SPATS2L: variants seen among roughly 807,000 people sequenced by gnomAD.
SPATS2L encodes the protein SPATS2-like protein.
SPATS2L carries 30 observed loss-of-function variants against 59.6 expected under a neutral mutation model. That is an observed-to-expected ratio of 0.50 (90% CI 0.38 to 0.68). SPATS2L has a LOEUF of 0.68. Among genes scored for constraint, SPATS2L ranks in the 30% least tolerant of loss-of-function variants. SPATS2L has a pLI of 0.00. For missense variants in SPATS2L, 615 were observed against 700.0 expected (o/e 0.88, Z 1.37); for synonymous variants, 252 against 263.5 (o/e 0.96, Z 0.42).
chr2:200,467,241 A>G, intron 9 of SPATS2L, 49 bp from the exon 10 acceptor site: 1 of 1,230,242 alleles, frequency 8.1e-7, no homozygotes, highest in Non-Finnish European at 1.2e-6. Context: ...AGGTTATTTA[A>G]TATGTTTCAA....
At chr2:200,412,869 T>C (rs1414780232) in intron 4 of SPATS2L, among the ~76,000 whole-genome samples, 1 of 151,952 alleles carries the variant, frequency 6.6e-6, no homozygotes. Context: ...CTGGGAAACA[T>C]GGTGAAACCC....
At chr2:200,328,889 A>G (rs184548620) in intron 1 of SPATS2L, among the ~76,000 whole-genome samples, 2 of 152,348 alleles carry the variant, frequency 1.3e-5, no homozygotes, top group Admixed American at 1.3e-4. Context: ...TAACAAGAAC[A>G]ATAGCTAACA....
At chr2:200,308,644 GAC>G (rs1475293680) in intron 1 of SPATS2L, among the ~76,000 whole-genome samples, 6 of 151,578 alleles carry the variant, frequency 4.0e-5, no homozygotes, top group Admixed American at 2.6e-4. Context: ...CACACACACA[GAC>G]ACACAAACTA....
intron 3 of SPATS2L, among the ~76,000 whole-genome samples, chr2:200,395,933 C>T (rs139440748): frequency 0.015 from 2,162 of 144,642 alleles, 54 homozygotes; most frequent in African/African-American, 0.053. Context: ...ATCTCTTGAA[C>T]CCAGGGAGCA....
intron 2 of SPATS2L, among the ~76,000 whole-genome samples, chr2:200,364,114 C>T (rs1168429442): frequency 6.6e-6 from 1 of 152,084 alleles, no homozygotes; most frequent in African/African-American, 2.4e-5. Context: ...GAGACATAAG[C>T]TAAAGAAGGT....
At chr2:200,460,439 A>G (rs1307101534) in intron 9 of SPATS2L, among the ~76,000 whole-genome samples, 7 of 152,230 alleles carry the variant, frequency 4.6e-5, no homozygotes, top group Admixed American at 3.9e-4. Flanking sequence ...GCTTTTAAGC[A>G]ACTCTTATAA....
intron 8 of SPATS2L, among the ~76,000 whole-genome samples, chr2:200,445,174 G>T (rs899436580): frequency 6.6e-6 from 1 of 152,066 alleles, no homozygotes; most frequent in Non-Finnish European, 1.5e-5. Context: ...TCAGCTAGGT[G>T]TGATGGTTCG....
At chr2:200,338,021 A>G (rs749445951) in intron 2 of SPATS2L, among the ~76,000 whole-genome samples, 1 of 152,112 alleles carries the variant, frequency 6.6e-6, no homozygotes, top group Non-Finnish European at 1.5e-5. Context: ...TCTGAAACAA[A>G]TTAACTTTTT....
chr2:200,320,692 C>A (rs920192130), intron 1 of SPATS2L, among the ~76,000 whole-genome samples: 1 of 152,118 alleles, frequency 6.6e-6, no homozygotes, highest in Non-Finnish European at 1.5e-5. Flanking sequence ...GCTGAAAATT[C>A]TGTATTATTT....
chr2:200,389,956 A>G (rs533317905), intron 3 of SPATS2L: 6 of 152,348 alleles, frequency 3.9e-5, no homozygotes, highest in Non-Finnish European at 8.8e-5. Context: ...ACCATAGACC[A>G]TGAAGATAAA....
intron 2 of SPATS2L, among the ~76,000 whole-genome samples, chr2:200,369,901 AAAAC>A (rs1448087327): frequency 2.6e-5 from 4 of 152,252 alleles, no homozygotes; most frequent in African/African-American, 4.8e-5. Context: ...TGATGAGAGA[AAAAC>A]AAAGTACTAT....
At chr2:200,468,237 G>A (rs1356084110) in intron 10 of SPATS2L, among the ~76,000 whole-genome samples, 2 of 151,716 alleles carry the variant, frequency 1.3e-5, no homozygotes, top group Non-Finnish European at 2.9e-5. Flanking sequence ...CTGCATCAGG[G>A]TACAGTTACC....
intron 3 of SPATS2L, 142 bp from the exon 4 acceptor site, chr2:200,412,169 G>A (rs1323573721): frequency 9.4e-6 from 5 of 533,972 alleles, no homozygotes; most frequent in South Asian, 3.1e-5. Flanking sequence ...AATGCCTTGA[G>A]TATGCTTGAT....
At chr2:200,379,036 C>G (rs2081703566) in intron 2 of SPATS2L, among the ~76,000 whole-genome samples, 1 of 152,212 alleles carries the variant, frequency 6.6e-6, no homozygotes, top group African/African-American at 2.4e-5. Flanking sequence ...CCCAGTGTTG[C>G]TGTGCCCAAA....
intron 3 of SPATS2L, among the ~76,000 whole-genome samples, chr2:200,406,449 T>G (rs990060422): frequency 1.3e-5 from 2 of 151,110 alleles, no homozygotes; most frequent in Non-Finnish European, 2.9e-5. Context: ...TATAAAGGTC[T>G]GGCAGCGTCT....
chr2:200,422,312 G>A (rs534691322), intron 6 of SPATS2L, among the ~76,000 whole-genome samples: 1 of 152,278 alleles, frequency 6.6e-6, no homozygotes, highest in Admixed American at 6.5e-5. Flanking sequence ...TGAGGCGGGA[G>A]GATTGTTTGA....
In SPATS2L at chr2:200,396,011, G is replaced by GAAAAA. The variant is rs1218853084; in HGVS notation, c.39+6747_39+6751dup. Among the ~76,000 whole-genome samples the GAAAAA allele has an allele frequency of 2.1e-3, 22 of 10,588 alleles. 3 individuals carry two copies. The highest frequency in any genetic ancestry group is 5.1e-3 in the Admixed American group (2 of 396). 6.9% of individuals were successfully genotyped at this position (10,588 alleles called of 152,430 possible). On this transcript the variant is annotated intron_variant, in intron 3 of 12. Coordinates refer to ENST00000409140, the MANE Select transcript of SPATS2L (RefSeq NM_001100423.2). ...GGGCAAAAGAGTGAGACTCGATCTGGAAAAAAAAAAAAAAAAAAAAAAATA... is the reference window on the plus strand; with the variant it reads ...GGGCAAAAGAGTGAGACTCGATCTGGAAAAAAAAAAAAAAAAAAAAAAAAAAAATA...
In SPATS2L at chr2:200,482,147, C is replaced by T. The variant is rs2087793349; in HGVS notation, c.*4116C>T. ...AGAAAATTATGAAGAGTTGCAAAGT[C>T]CCAGTGATTCTCTTGTTACTTAGCT... On this transcript the variant is annotated 3_prime_UTR_variant, in exon 13 of 13. Transcript: ENST00000409140. 2 of 151,898 alleles carry T rather than the reference C, an allele frequency of 1.3e-5. No individual in the cohort carries two copies. Among genetic ancestry groups the T allele is most frequent in the East Asian group, 1.9e-4 (1 of 5,206 alleles). The allele number at this position is 151,898 out of a possible 1,614,324, so 9.4% of individuals were successfully genotyped here. A position where few individuals can be genotyped will look rare whatever the true frequency, so the allele number is the denominator to read the frequency against.
intron 4 of SPATS2L, 40 bp downstream of exon 4, chr2:200,412,459 TA>T (rs1293582187): frequency 1.2e-5 from 13 of 1,060,650 alleles, no homozygotes; most frequent in Non-Finnish European, 1.8e-5. Context: ...ATGTTAGACT[TA>T]AATATTCCAG....
Sources: allele counts gnomAD v4.1 joint callset (sites outside exome capture counted in the v4.1 genomes callset), GRCh38; gene constraint gnomAD v4.1.1; transcripts MANE v1.5; gene names NCBI Gene and HGNC (gene_info 2026-07-23, HGNC 2026-07-21).